ASCC3: variants seen among roughly 807,000 people sequenced by gnomAD.
ASCC3 encodes the protein ASC-1 complex subunit P200.
In ASCC3, 158 loss-of-function variants were observed where a neutral mutation model predicts 256.3. The ratio of observed to expected loss-of-function variants is 0.62; its 90% CI spans 0.54 to 0.70. ASCC3 has a LOEUF of 0.70. Among genes scored for constraint, ASCC3 ranks in the 30% least tolerant of loss-of-function variants. The pLI is 0.00. For missense variants in ASCC3, 2,259 were observed against 2,626.0 expected (o/e 0.86, Z 3.05); for synonymous variants, 948 against 883.4 (o/e 1.07, Z -1.30).
At chr6:100,520,896 C>A (rs1774269674) in intron 37 of ASCC3, among the ~76,000 whole-genome samples, 1 of 152,132 alleles carries the variant, frequency 6.6e-6, no homozygotes, top group Non-Finnish European at 1.5e-5. Context: ...TTTTCCTGTG[C>A]CTCTGCTGTT....
intron 10 of ASCC3, among the ~76,000 whole-genome samples, chr6:100,759,654 C>T (rs1781342006): frequency 6.6e-6 from 1 of 152,128 alleles, no homozygotes; most frequent in Non-Finnish European, 1.5e-5. Context: ...TCTTTGATTC[C>T]ATATGAAACT....
At chr6:100,548,627 C>T (rs1769120927) in intron 36 of ASCC3, among the ~76,000 whole-genome samples, 1 of 151,756 alleles carries the variant, frequency 6.6e-6, no homozygotes, top group African/African-American at 2.4e-5. Flanking sequence ...GTGACAAGTG[C>T]TATGAGGAAG....
intron 10 of ASCC3, among the ~76,000 whole-genome samples, chr6:100,749,776 A>G (rs1780852641): frequency 6.6e-6 from 1 of 151,888 alleles, no homozygotes; most frequent in Non-Finnish European, 1.5e-5. Flanking sequence ...TTTCCTTTAG[A>G]AAACTATTTA....
intron 8 of ASCC3, among the ~76,000 whole-genome samples, chr6:100,769,702 C>T (rs943634759): frequency 2.6e-5 from 4 of 151,476 alleles, no homozygotes; most frequent in African/African-American, 9.7e-5. Flanking sequence ...TCTGGGCAGA[C>T]TGATCAGGAA....
intron 36 of ASCC3, among the ~76,000 whole-genome samples, chr6:100,557,963 G>C (rs1414241755): frequency 6.6e-6 from 1 of 151,374 alleles, no homozygotes; most frequent in Non-Finnish European, 1.5e-5. Flanking sequence ...TCCAGAATCA[G>C]AATTCAACTG....
At chr6:100,519,443 T>C (rs1377947393) in intron 37 of ASCC3, among the ~76,000 whole-genome samples, 2 of 152,110 alleles carry the variant, frequency 1.3e-5, no homozygotes, top group East Asian at 3.9e-4. Context: ...AAAATCCACT[T>C]ATATTCTTCC....
At chr6:100,645,356 T>G (rs1775327760) in intron 22 of ASCC3, among the ~76,000 whole-genome samples, 1 of 151,876 alleles carries the variant, frequency 6.6e-6, no homozygotes, top group South Asian at 2.1e-4. Flanking sequence ...AAAACATTAT[T>G]ATTATTATAA....
intron 10 of ASCC3, among the ~76,000 whole-genome samples, chr6:100,731,260 A>C (rs1375982987): frequency 6.6e-6 from 1 of 152,174 alleles, no homozygotes; most frequent in Non-Finnish European, 1.5e-5. Context: ...TTTACATCTG[A>C]AACACAATTC....
intron 10 of ASCC3, among the ~76,000 whole-genome samples, chr6:100,738,443 A>G (rs951859844): frequency 2.6e-5 from 4 of 152,202 alleles, no homozygotes; most frequent in African/African-American, 9.7e-5. Context: ...ATGGCTAGCC[A>G]GTTCTCTCAC....
At chr6:100,766,997 A>T in intron 9 of ASCC3, 148 bp downstream of exon 9, 2 of 874,980 alleles carry the variant, frequency 2.3e-6, no homozygotes, top group Non-Finnish European at 3.6e-6. Context: ...GAACTGCCTT[A>T]ATAGTAATGA....
At chr6:100,636,715 A>G (rs541177248) in intron 25 of ASCC3, among the ~76,000 whole-genome samples, 6 of 152,360 alleles carry the variant, frequency 3.9e-5, no homozygotes, top group African/African-American at 1.4e-4. Context: ...TTCATTGAAC[A>G]CATGAATGAT....
At chr6:100,546,183 C>T (rs553774900) in intron 36 of ASCC3, among the ~76,000 whole-genome samples, 1 of 151,984 alleles carries the variant, frequency 6.6e-6, no homozygotes, top group Admixed American at 6.6e-5. Context: ...AGAGATGAAT[C>T]TGATAAAAAT....
chr6:100,634,709 T>C (rs1286125511), intron 25 of ASCC3, among the ~76,000 whole-genome samples: 1 of 151,472 alleles, frequency 6.6e-6, no homozygotes, highest in Non-Finnish European at 1.5e-5. Context: ...TTTACACCTG[T>C]TAAAATGGCT....
chr6:100,540,475 C>T, intron 36 of ASCC3, 88 bp from the exon 37 acceptor site: 3 of 1,129,004 alleles, frequency 2.7e-6, no homozygotes, highest in Non-Finnish European at 3.8e-6. Context: ...AAACATGGCT[C>T]AGAAAAATCA....
Position 100,799,420 on chromosome 6 carries a change from C to A in ASCC3, c.1269+11G>T. On this transcript the variant is annotated intron_variant, in intron 7 of 41. Transcript: ENST00000369162. ...ATATTATTGAACAGTAGTTATATAACAATGACATACCTTTGCACCAGCAAT... is the reference window on the plus strand; with the variant it reads ...ATATTATTGAACAGTAGTTATATAAAAATGACATACCTTTGCACCAGCAAT... 5 of 1,611,254 alleles carry A rather than the reference C, an allele frequency of 3.1e-6. No homozygotes were observed. Among genetic ancestry groups the A allele is most frequent in the Non-Finnish European group, 4.2e-6 (5 of 1,179,054 alleles).
chr6:100,509,648 C>T, intron 41 of ASCC3, 115 bp from the exon 42 acceptor site: 1 of 1,080,804 alleles, frequency 9.3e-7, no homozygotes, highest in South Asian at 1.3e-5. Flanking sequence ...CGCCTGTAAT[C>T]CCAGCACTTT....
chr6:100,817,447 C>T (rs866446000), intron 4 of ASCC3, among the ~76,000 whole-genome samples: 4 of 151,322 alleles, frequency 2.6e-5, no homozygotes, highest in Non-Finnish European at 4.4e-5. Flanking sequence ...TAAATGAAAT[C>T]AAAAATAGAA....
In ASCC3 at chr6:100,583,725, A is replaced by G. The variant is rs1771459503; in HGVS notation, c.5550+5909T>C. Among the ~76,000 whole-genome samples, 3 of 151,922 alleles carry G rather than the reference A, an allele frequency of 2.0e-5. No homozygotes were observed. In the South Asian group the frequency reaches 6.3e-4, roughly 32 times the overall value. ...TTCTTGCTTTCTCTTATGGGCATTT[A>G]GTGCTATAAATTTCCCTCTACACAC... On this transcript the variant is annotated intron_variant, in intron 36 of 41. Coordinates refer to ENST00000369162, the MANE Select transcript of ASCC3 (RefSeq NM_006828.4).
intron 37 of ASCC3, among the ~76,000 whole-genome samples, chr6:100,524,284 T>C (rs1445813317): frequency 6.6e-6 from 1 of 152,180 alleles, no homozygotes; most frequent in Non-Finnish European, 1.5e-5. Context: ...AAAATTATTA[T>C]GTATTTAATT....
Sources: allele counts gnomAD v4.1 joint callset (sites outside exome capture counted in the v4.1 genomes callset), GRCh38; gene constraint gnomAD v4.1.1; transcripts MANE v1.5; gene names NCBI Gene and HGNC (gene_info 2026-07-23, HGNC 2026-07-21).